Variants in CTNNA3 observed in about 807,000 individuals in gnomAD.
The protein encoded by CTNNA3 is catenin alpha 3, also known as catenin alpha-3.
In CTNNA3, 76 loss-of-function variants were observed where a neutral mutation model predicts 95.7. The observed-to-expected ratio is 0.79, with a 90% CI of 0.66 to 0.96. CTNNA3 has a LOEUF of 0.96. Among genes scored for constraint, CTNNA3 ranks in the 40% least tolerant of loss-of-function variants. The probability of loss-of-function intolerance (pLI) is 0.00; values close to 1 mark genes in which losing one functional copy is unlikely to be tolerated. For missense variants in CTNNA3, 1,191 were observed against 1,089.8 expected (o/e 1.09, Z -1.31); for synonymous variants, 431 against 374.4 (o/e 1.15, Z -1.74).
rs1288047855 is a variant in CTNNA3 at position 66,484,824 on chromosome 10, A to G, written c.1531+35793T>C. Among the ~76,000 whole-genome samples the G allele has an allele frequency of 6.6e-5, 10 of 152,116 alleles. No homozygotes were observed. The East Asian group carries it at 1.9e-3, about 29-fold the overall frequency. ...ATTCCTGATAAATATACATATAAAAATCCTCAACAAAATACTAGTAAACTG... is the reference window on the plus strand; with the variant it reads ...ATTCCTGATAAATATACATATAAAAGTCCTCAACAAAATACTAGTAAACTG... On this transcript the variant is annotated intron_variant, in intron 11 of 17. Transcript: ENST00000433211.
At chr10:67,418,485 T>TAC (rs1371237099) in intron 5 of CTNNA3, among the ~76,000 whole-genome samples, 1 of 147,074 alleles carries the variant, frequency 6.8e-6, no homozygotes, top group Non-Finnish European at 1.5e-5. Flanking sequence ...AACAGGGGTA[T>TAC]ACACACACAA....
At chr10:66,928,185 C>T (rs1185346204) in intron 7 of CTNNA3, 8 of 1,613,990 alleles carry the variant, frequency 5.0e-6, no homozygotes, top group South Asian at 1.1e-5. Flanking sequence ...TCATCGCGGG[C>T]AGCGTGGCGC....
intron 17 of CTNNA3, among the ~76,000 whole-genome samples, chr10:65,958,255 C>T (rs1005754406): frequency 4.6e-5 from 7 of 152,086 alleles, no homozygotes; most frequent in African/African-American, 1.7e-4. Context: ...AAGGTCTTCT[C>T]TATGCTGTTT....
intron 13 of CTNNA3, among the ~76,000 whole-genome samples, chr10:66,126,071 A>T (rs976092712): frequency 6.6e-6 from 1 of 152,188 alleles, no homozygotes; most frequent in African/African-American, 2.4e-5. Flanking sequence ...ACATGTTCTG[A>T]TTGTAACAAA....
intron 12 of CTNNA3, among the ~76,000 whole-genome samples, chr10:66,342,595 T>G (rs911891110): frequency 5.9e-5 from 9 of 152,082 alleles, no homozygotes; most frequent in Non-Finnish European, 1.3e-4. Context: ...CTTACTATTA[T>G]TGTCAATAAA....
At chr10:66,044,417 T>C (rs2079779337) in intron 15 of CTNNA3, among the ~76,000 whole-genome samples, 1 of 150,306 alleles carries the variant, frequency 6.7e-6, no homozygotes, top group Non-Finnish European at 1.5e-5. Flanking sequence ...TGTTTGTTTA[T>C]CTTGATTTTT....
intron 5 of CTNNA3, among the ~76,000 whole-genome samples, chr10:67,343,088 G>A (rs1842276861): frequency 6.6e-6 from 1 of 152,158 alleles, no homozygotes; most frequent in East Asian, 1.9e-4. Context: ...GAGTAGCTGG[G>A]ATTACAGGTG....
chr10:66,669,807 G>A (rs890454993), intron 9 of CTNNA3, among the ~76,000 whole-genome samples: 1 of 152,098 alleles, frequency 6.6e-6, no homozygotes, highest in African/African-American at 2.4e-5. Context: ...TTAAAATATT[G>A]TCAATGTATA....
At chr10:66,753,662 C>CA (rs753751323) in intron 9 of CTNNA3, among the ~76,000 whole-genome samples, 31 of 128,170 alleles carry the variant, frequency 2.4e-4, no homozygotes, top group East Asian at 4.6e-4. Context: ...AACTCCATCT[C>CA]AAAAAAAAAA....
chr10:67,511,803 C>T (rs529563384), intron 5 of CTNNA3, among the ~76,000 whole-genome samples: 88 of 152,160 alleles, frequency 5.8e-4, no homozygotes, highest in South Asian at 2.5e-3. Flanking sequence ...TGGTAGAATT[C>T]GGCTGTGAAT....
At chr10:66,056,392 T>A (rs573251599) in intron 15 of CTNNA3, among the ~76,000 whole-genome samples, 14 of 152,194 alleles carry the variant, frequency 9.2e-5, no homozygotes, top group Non-Finnish European at 1.8e-4. Context: ...CTCTCAATGA[T>A]GATGAATGTA....
intron 11 of CTNNA3, among the ~76,000 whole-genome samples, chr10:66,404,086 T>C (rs1456088271): frequency 6.6e-6 from 1 of 152,130 alleles, no homozygotes; most frequent in Admixed American, 6.6e-5. Flanking sequence ...CAGATTTTTT[T>C]TTCCAGATGT....
rs192362370 is a variant in CTNNA3, at chr10:66,521,105, G to A, written c.1375-332C>T. 8.0e-4 allele frequency among the ~76,000 whole-genome samples: 121 copies of A among 150,902 alleles called. 1 individual carries two copies. Among genetic ancestry groups the A allele is most frequent in the South Asian group, 1.9e-3 (9 of 4,800 alleles). ...ATTATGGTTAAATACATTCATCATC[G>A]ACAATAGGAAAAACAGTAAAATGTC... On this transcript the variant is annotated intron_variant, in intron 10 of 17. Coordinates refer to ENST00000433211, the MANE Select transcript of CTNNA3 (RefSeq NM_013266.4).
At chr10:67,713,407 C>A (rs1363398668) in intron 1 of CTNNA3, among the ~76,000 whole-genome samples, 1 of 152,152 alleles carries the variant, frequency 6.6e-6, no homozygotes, top group Admixed American at 6.5e-5. Context: ...CCAGAAATAC[C>A]ACTTGACCCA....
intron 7 of CTNNA3, among the ~76,000 whole-genome samples, chr10:67,005,682 C>CTTTTTTTTTTTTTTTTTTTTTTTTTTTT (rs11369576): frequency 6.5e-5 from 4 of 61,984 alleles, no homozygotes; most frequent in Non-Finnish European, 1.2e-4. Context: ...TTTACTCCAT[C>CTTTTTTTTTTTTTTTTTTTTTTTTTTTT]TTTTTTTTTT....
At chr10:66,024,085 A>ATTTTTTTTTGTTTTTTTT (rs2079283248) in intron 15 of CTNNA3, among the ~76,000 whole-genome samples, 1 of 87,750 alleles carries the variant, frequency 1.1e-5, no homozygotes, top group African/African-American at 4.3e-5. Context: ...TACCATACAC[A>ATTTTTTTTTGTTTTTTTT]TTTTTTTTTT....
At chr10:66,189,617 T>TATATACACAC (rs151078010) in intron 13 of CTNNA3, among the ~76,000 whole-genome samples, 1 of 140,362 alleles carries the variant, frequency 7.1e-6, no homozygotes, top group East Asian at 2.1e-4. Flanking sequence ...TATATATATA[T>TATATACACAC]ACACACATAC....
At chr10:67,435,264 T>C (rs1183142107) in intron 5 of CTNNA3, among the ~76,000 whole-genome samples, 1 of 151,982 alleles carries the variant, frequency 6.6e-6, no homozygotes, top group East Asian at 1.9e-4. Flanking sequence ...TTCAGCAACA[T>C]AGACAAACTC....
chr10:67,110,117 C>T (rs1858843591), intron 7 of CTNNA3, among the ~76,000 whole-genome samples: 2 of 152,226 alleles, frequency 1.3e-5, no homozygotes, highest in Admixed American at 1.3e-4. Flanking sequence ...TACAGGGTGG[C>T]ACATGCTATG....
Sources: gnomAD v4.1 joint callset for allele counts (sites outside exome capture counted in the v4.1 genomes callset) on GRCh38, gnomAD v4.1.1 for gene constraint, MANE v1.5 for transcripts, NCBI Gene and HGNC (gene_info 2026-07-23, HGNC 2026-07-21) for gene names.